Variants in DDX46 observed in about 807,000 individuals in gnomAD.
The protein encoded by DDX46 is DEAD-box helicase 46.
In DDX46, 30 loss-of-function variants were observed where a neutral mutation model predicts 134.9. That is an observed-to-expected ratio of 0.22 (90% CI 0.17 to 0.30). The LOEUF is 0.30. Among genes scored for constraint, DDX46 ranks in the 10% least tolerant of loss-of-function variants. DDX46 has a pLI of 1.00. For missense variants in DDX46, 622 were observed against 1,248.7 expected (o/e 0.50, Z 7.56); for synonymous variants, 415 against 404.1 (o/e 1.03, Z -0.32).
intron 5 of DDX46, among the ~76,000 whole-genome samples, chr5:134,774,942 C>T (rs1211794571): frequency 1.3e-5 from 2 of 152,018 alleles, no homozygotes; most frequent in African/African-American, 4.8e-5. Flanking sequence ...TTCTCTTGCG[C>T]CTCAGCTTTT....
At chr5:134,759,020 A>T in intron 1 of DDX46, 65 bp downstream of exon 1, 1 of 1,593,300 alleles carries the variant, frequency 6.3e-7, no homozygotes, top group South Asian at 1.1e-5. Flanking sequence ...AAGAGGCGGG[A>T]GTTGAGGTGG....
intron 18 of DDX46, among the ~76,000 whole-genome samples, chr5:134,812,686 G>T (rs530842213): frequency 1.3e-5 from 2 of 151,582 alleles, no homozygotes; most frequent in South Asian, 2.1e-4. Flanking sequence ...ACCCAGGCCA[G>T]ACTGCAGTGT....
chr5:134,820,074 A>G (rs1326117443), intron 21 of DDX46, among the ~76,000 whole-genome samples: 1 of 151,824 alleles, frequency 6.6e-6, no homozygotes, highest in Middle Eastern at 3.2e-3. Flanking sequence ...GGCATGCACC[A>G]CCATGCCTGG....
At chr5:134,818,656 T>G (rs983151939) in intron 20 of DDX46, among the ~76,000 whole-genome samples, 2 of 148,134 alleles carry the variant, frequency 1.4e-5, no homozygotes, top group Non-Finnish European at 3.0e-5. Flanking sequence ...GAGCCAAGAT[T>G]GCACCATTGT....
intron 1 of DDX46, among the ~76,000 whole-genome samples, chr5:134,761,943 C>G (rs1382645306): frequency 6.6e-6 from 1 of 151,998 alleles, no homozygotes; most frequent in Non-Finnish European, 1.5e-5. Context: ...TTTGTTCTCT[C>G]AGCAACCAGA....
chr5:134,821,493 T>A (rs1755448821), intron 21 of DDX46, among the ~76,000 whole-genome samples: 1 of 151,604 alleles, frequency 6.6e-6, no homozygotes, highest in African/African-American at 2.4e-5. Flanking sequence ...AAGCAATATT[T>A]TCTTGTGTGC....
intron 1 of DDX46, among the ~76,000 whole-genome samples, chr5:134,759,476 C>T (rs948056957): frequency 2.6e-5 from 4 of 152,158 alleles, no homozygotes; most frequent in Non-Finnish European, 4.4e-5. Context: ...GCATTTACTT[C>T]GCAAATAGAT....
At chr5:134,799,727 A>C (rs1754770477) in intron 15 of DDX46, among the ~76,000 whole-genome samples, 1 of 150,256 alleles carries the variant, frequency 6.7e-6, no homozygotes, top group Non-Finnish European at 1.5e-5. Flanking sequence ...GACAAAAGCG[A>C]GACTCCGTCT....
At position 134,785,600 on chromosome 5, in the gene DDX46, A is replaced by G; in HGVS notation, c.1464+14A>G. Reference sequence around the variant, plus strand: ...ATCAGTGAGCAGGTAGTTATATAAGAAACATTCATGTTTTCCATTCTTTTC... The same window carrying G: ...ATCAGTGAGCAGGTAGTTATATAAGGAACATTCATGTTTTCCATTCTTTTC... On this transcript the variant is annotated intron_variant, in intron 11 of 22. Coordinates refer to ENST00000452510, the MANE Select transcript of DDX46 (RefSeq NM_001300860.2). 6.3e-7 allele frequency: 1 copy of G among 1,592,492 alleles called. No individual in the cohort carries two copies.
chr5:134,768,826 C>T (rs1003626918), intron 3 of DDX46, among the ~76,000 whole-genome samples: 6 of 151,952 alleles, frequency 3.9e-5, no homozygotes, highest in African/African-American at 1.2e-4. Flanking sequence ...TTTGGGAGGC[C>T]GAGGTGGATG....
rs932593733 is a variant in DDX46, at chr5:134,827,137, A to G, written c.3051+117A>G. ...TAGTTTGATGAATTTTCACAAAGTA[A>G]TAAGCATACCAGTGTAGTCACTACC... On this transcript the variant is annotated intron_variant, in intron 22 of 22. Coordinates refer to ENST00000452510, the MANE Select transcript of DDX46 (RefSeq NM_001300860.2). 4.0e-6 allele frequency: 4 copies of G among 1,007,774 alleles called. No homozygotes were observed. The African/African-American group carries it at 4.9e-5, about 12-fold the overall frequency. 62.4% of individuals were successfully genotyped at this position (1,007,774 alleles called of 1,614,324 possible). A position where few individuals can be genotyped will look rare whatever the true frequency, so the allele number is the denominator to read the frequency against.
intron 21 of DDX46, among the ~76,000 whole-genome samples, chr5:134,821,896 GTT>G (rs576418677): frequency 3.0e-5 from 4 of 133,082 alleles, no homozygotes; most frequent in Admixed American, 7.5e-5. Flanking sequence ...GTTTTTTTTT[GTT>G]TTTTTTTTTT....
chr5:134,789,853 A>T (rs916539567), intron 12 of DDX46, among the ~76,000 whole-genome samples: 2 of 152,078 alleles, frequency 1.3e-5, no homozygotes, highest in East Asian at 1.9e-4. Context: ...TAAAATTGGG[A>T]TTTATATCTT....
At chr5:134,828,227 C>G (rs1385700587) in intron 22 of DDX46, among the ~76,000 whole-genome samples, 4 of 151,986 alleles carry the variant, frequency 2.6e-5, no homozygotes, top group African/African-American at 9.7e-5. Flanking sequence ...CTAAAATTCC[C>G]CTCACAGAGC....
intron 1 of DDX46, among the ~76,000 whole-genome samples, chr5:134,761,756 A>G (rs572394802): frequency 4.1e-4 from 63 of 152,188 alleles, no homozygotes; most frequent in Non-Finnish European, 8.2e-4. Context: ...TTAGTTCATC[A>G]TTAAATCCCA....
chr5:134,788,834 G>GT (rs751053948), intron 12 of DDX46, among the ~76,000 whole-genome samples: 2 of 149,830 alleles, frequency 1.3e-5, no homozygotes, highest in Non-Finnish European at 3.0e-5. Flanking sequence ...GGGTGACAGA[G>GT]TAAGACTCCG....
intron 2 of DDX46, among the ~76,000 whole-genome samples, chr5:134,765,396 A>AT (rs1300665768): frequency 6.6e-6 from 1 of 151,274 alleles, no homozygotes; most frequent in East Asian, 1.9e-4. Flanking sequence ...AAAAAAAAAA[A>AT]AAAAAAATTA....
At chr5:134,824,202 A>G (rs183710573) in intron 21 of DDX46, among the ~76,000 whole-genome samples, 13 of 152,318 alleles carry the variant, frequency 8.5e-5, no homozygotes, top group Admixed American at 2.0e-4. Context: ...GTCAATTTAC[A>G]CTCAGGAAAT....
At chr5:134,782,686 A>G (rs965065190) in intron 8 of DDX46, among the ~76,000 whole-genome samples, 7 of 151,788 alleles carry the variant, frequency 4.6e-5, no homozygotes, top group Non-Finnish European at 1.0e-4. Flanking sequence ...GACTACAGAC[A>G]TGTGCCACCA....
Sources: allele counts gnomAD v4.1 joint callset (sites outside exome capture counted in the v4.1 genomes callset), GRCh38; gene constraint gnomAD v4.1.1; transcripts MANE v1.5; gene names NCBI Gene and HGNC (gene_info 2026-07-23, HGNC 2026-07-21).